DTNB: variants seen among roughly 807,000 people sequenced by gnomAD.
DTNB encodes dystrobrevin beta, also known as DTN-B.
Under a neutral mutation model 90.7 loss-of-function variants are expected in DTNB, and 63 were observed. The observed-to-expected ratio is 0.69, with a 90% CI of 0.57 to 0.86. The LOEUF (loss-of-function observed/expected upper bound fraction) is 0.86, where lower values mean the gene tolerates loss of function less well. DTNB is among the 40% of genes least tolerant of loss of function. The pLI is 0.00. For synonymous variants in DTNB, 277 were observed against 286.7 expected (o/e 0.97, Z 0.34); for missense variants, 744 against 807.1 (o/e 0.92, Z 0.95).
intron 18 of DTNB, chr2:25,386,084 G>A (rs548415194): frequency 1.4e-5 from 14 of 985,514 alleles, no homozygotes; most frequent in East Asian, 1.1e-4. Flanking sequence ...GAGCGGGGCC[G>A]TGCTTCTGAT....
At chr2:25,609,549 G>T (rs1284314851) in intron 4 of DTNB, among the ~76,000 whole-genome samples, 1 of 146,448 alleles carries the variant, frequency 6.8e-6, no homozygotes, top group Non-Finnish European at 1.5e-5. Flanking sequence ...AGTGAGCTGA[G>T]ATAGCATCAT....
intron 15 of DTNB, among the ~76,000 whole-genome samples, chr2:25,425,527 G>A (rs1435178255): frequency 1.3e-5 from 2 of 152,190 alleles, no homozygotes; most frequent in Non-Finnish European, 1.5e-5. Flanking sequence ...CGGGCCTGGA[G>A]GATGAAATTA....
At chr2:25,383,681 GA>G (rs2038562063) in intron 19 of DTNB, 154 bp downstream of exon 19, 4 of 1,501,534 alleles carry the variant, frequency 2.7e-6, no homozygotes, top group Non-Finnish European at 3.6e-6. Context: ...GGTAAAACCT[GA>G]CTGTCAGATG....
intron 10 of DTNB, among the ~76,000 whole-genome samples, chr2:25,461,749 T>C (rs1281926493): frequency 6.6e-6 from 1 of 152,036 alleles, no homozygotes; most frequent in African/African-American, 2.4e-5. Context: ...AACACTCCAG[T>C]AGGAAAAGAA....
At chr2:25,543,369 G>T (rs370409240) in intron 8 of DTNB, among the ~76,000 whole-genome samples, 2 of 151,474 alleles carry the variant, frequency 1.3e-5, no homozygotes, top group Non-Finnish European at 2.9e-5. Context: ...GCAGTGGCAC[G>T]ATCTCGACTC....
At chr2:25,580,139 G>A (rs527538873) in intron 7 of DTNB, among the ~76,000 whole-genome samples, 8 of 151,546 alleles carry the variant, frequency 5.3e-5, no homozygotes, top group Non-Finnish European at 7.4e-5. Flanking sequence ...CCACAACCAC[G>A]CCCAGCTAAT....
chr2:25,416,949 A>C (rs1226551148), intron 16 of DTNB, among the ~76,000 whole-genome samples: 2 of 152,190 alleles, frequency 1.3e-5, no homozygotes, highest in Non-Finnish European at 2.9e-5. Flanking sequence ...CTAGTTCTAA[A>C]GCTTTATAGT....
At chr2:25,638,446 TACAC>T (rs552080606) in intron 3 of DTNB, among the ~76,000 whole-genome samples, 108 of 152,346 alleles carry the variant, frequency 7.1e-4, no homozygotes, top group African/African-American at 1.9e-3. Context: ...TTTCCACTGA[TACAC>T]ACAAACACGA....
intron 14 of DTNB, among the ~76,000 whole-genome samples, chr2:25,430,138 T>C (rs2149924153): frequency 6.6e-6 from 1 of 152,190 alleles, no homozygotes; most frequent in African/African-American, 2.4e-5. Flanking sequence ...GTATTATATA[T>C]GTAAAATCTT....
intron 10 of DTNB, 64 bp from the exon 11 acceptor site, chr2:25,455,558 A>C: frequency 7.5e-7 from 1 of 1,341,936 alleles, no homozygotes. Flanking sequence ...AGAAATGAAC[A>C]TGGATTAAAA....
At chr2:25,503,628 A>C (rs2071427283) in intron 9 of DTNB, among the ~76,000 whole-genome samples, 1 of 152,170 alleles carries the variant, frequency 6.6e-6, no homozygotes, top group Non-Finnish European at 1.5e-5. Flanking sequence ...GAAATTAAGA[A>C]AAGAGGCCGG....
At chr2:25,672,401 G>A (rs1273695527) in intron 1 of DTNB, among the ~76,000 whole-genome samples, 6 of 152,166 alleles carry the variant, frequency 3.9e-5, no homozygotes, top group African/African-American at 1.4e-4. Context: ...ACATTCTGAA[G>A]ATTTAGCAGT....
intron 9 of DTNB, among the ~76,000 whole-genome samples, chr2:25,488,797 T>A (rs2066743437): frequency 6.6e-6 from 1 of 152,138 alleles, no homozygotes; most frequent in Admixed American, 6.5e-5. Context: ...ATTACAGGCA[T>A]CCGCCATCAT....
At chr2:25,544,024 A>G (rs2081924368) in intron 8 of DTNB, among the ~76,000 whole-genome samples, 1 of 152,234 alleles carries the variant, frequency 6.6e-6, no homozygotes, top group African/African-American at 2.4e-5. Flanking sequence ...AGGTAAAATT[A>G]CTCAAGAGAA....
chr2:25,587,875 A>G (rs1271405479), intron 6 of DTNB, among the ~76,000 whole-genome samples: 3 of 152,200 alleles, frequency 2.0e-5, no homozygotes, highest in Non-Finnish European at 4.4e-5. Flanking sequence ...AGATGCACTT[A>G]TAAGATCACT....
chr2:25,641,076 C>T (rs1032181385), intron 2 of DTNB, among the ~76,000 whole-genome samples: 8 of 152,186 alleles, frequency 5.3e-5, no homozygotes, highest in East Asian at 1.9e-4. Flanking sequence ...GAGATCTCTA[C>T]ACTGAAGTTT....
At chr2:25,417,098 G>A (rs75799513) in intron 16 of DTNB, among the ~76,000 whole-genome samples, 2,735 of 152,294 alleles carry the variant, frequency 0.018, 67 homozygotes, top group African/African-American at 0.063. Context: ...AGTCAACAGA[G>A]CAGCACTTCT....
At chr2:25,442,002 G>T (rs1278876434) in intron 12 of DTNB, among the ~76,000 whole-genome samples, 1 of 151,862 alleles carries the variant, frequency 6.6e-6, no homozygotes, top group African/African-American at 2.4e-5. Flanking sequence ...GACCAAACAG[G>T]TTTCAAAAAA....
At chr2:25,399,001 G>C (rs2043035325) in intron 16 of DTNB, among the ~76,000 whole-genome samples, 1 of 152,192 alleles carries the variant, frequency 6.6e-6, no homozygotes, top group Non-Finnish European at 1.5e-5. Context: ...AGCAGGAAAA[G>C]TGCTGGAGCA....
Sources: gnomAD v4.1 joint callset for allele counts (sites outside exome capture counted in the v4.1 genomes callset) on GRCh38, gnomAD v4.1.1 for gene constraint, MANE v1.5 for transcripts, NCBI Gene and HGNC (gene_info 2026-07-23, HGNC 2026-07-21) for gene names.